RFX8: variants seen among roughly 807,000 people sequenced by gnomAD.
The protein encoded by RFX8 is regulatory factor X8.
A neutral mutation model predicts 54.6 loss-of-function variants in RFX8; 46 were observed. The ratio of observed to expected loss-of-function variants is 0.84; its 90% CI spans 0.67 to 1.08. The LOEUF is 1.08. RFX8 is among the 50% of genes least tolerant of loss of function. The probability of loss-of-function intolerance (pLI) is 0.00; values close to 1 mark genes in which losing one functional copy is unlikely to be tolerated. For synonymous variants in RFX8, 192 were observed against 209.5 expected, an observed-to-expected ratio of 0.92 and a Z score of 0.72; for missense variants, 536 against 562.3, an observed-to-expected ratio of 0.95 and a Z score of 0.47.
chr2:101,418,136 C>T (rs1360643506), intron 5 of RFX8, among the ~76,000 whole-genome samples: 3 of 152,004 alleles, frequency 2.0e-5, no homozygotes, highest in Non-Finnish European at 4.4e-5. Flanking sequence ...GTGATCCACC[C>T]GCCTCAGCCT....
At chr2:101,466,644 G>C in intron 2 of RFX8, 133 bp downstream of exon 2, 1 of 718,422 alleles carries the variant, frequency 1.4e-6, no homozygotes, top group East Asian at 2.7e-5. Flanking sequence ...ATGTTGACCA[G>C]CTGGTGGGAA....
At chr2:101,447,407 C>A (rs1688447630) in intron 2 of RFX8, among the ~76,000 whole-genome samples, 1 of 152,192 alleles carries the variant, frequency 6.6e-6, no homozygotes. Context: ...AAGTTTATTT[C>A]TCACAGTTCT....
At chr2:101,451,829 CA>C (rs1558880918) in intron 2 of RFX8, among the ~76,000 whole-genome samples, 2 of 152,116 alleles carry the variant, frequency 1.3e-5, no homozygotes, top group Admixed American at 6.5e-5. Flanking sequence ...CGTGGTGGCT[CA>C]CGCCCGTAAT....
intron 1 of RFX8, among the ~76,000 whole-genome samples, chr2:101,471,915 T>C (rs996689623): frequency 2.0e-5 from 3 of 152,206 alleles, no homozygotes; most frequent in East Asian, 1.9e-4. Flanking sequence ...AGGGCAACAG[T>C]TGGGCCCCTC....
chr2:101,429,590 C>G (rs1687374456), intron 2 of RFX8, among the ~76,000 whole-genome samples: 1 of 152,110 alleles, frequency 6.6e-6, no homozygotes, highest in South Asian at 2.1e-4. Flanking sequence ...GCTGTGAGCC[C>G]AGTTCACTTG....
intron 2 of RFX8, among the ~76,000 whole-genome samples, chr2:101,439,088 CAG>C (rs1190447551): frequency 1.3e-5 from 2 of 152,200 alleles, no homozygotes; most frequent in African/African-American, 4.8e-5. Flanking sequence ...GCTGGGATTA[CAG>C]GTGTGAGCCA....
intron 2 of RFX8, among the ~76,000 whole-genome samples, chr2:101,432,906 C>T (rs887694393): frequency 6.6e-6 from 1 of 152,136 alleles, no homozygotes; most frequent in African/African-American, 2.4e-5. Flanking sequence ...GACTCCCAGG[C>T]GAGTCCGTCC....
At chr2:101,468,527 C>A (rs1004279992) in intron 1 of RFX8, among the ~76,000 whole-genome samples, 1 of 151,804 alleles carries the variant, frequency 6.6e-6, no homozygotes, top group African/African-American at 2.4e-5. Context: ...TGGGCTCGAG[C>A]GCTCCACCCA....
chr2:101,430,793 A>G (rs2104611111), intron 2 of RFX8, among the ~76,000 whole-genome samples: 1 of 152,344 alleles, frequency 6.6e-6, no homozygotes, highest in African/African-American at 2.4e-5. Context: ...ATTTTGGGAC[A>G]TTACAGCAAC....
chr2:101,428,506 C>A (rs1687309786), intron 2 of RFX8, among the ~76,000 whole-genome samples: 1 of 152,184 alleles, frequency 6.6e-6, no homozygotes, highest in Non-Finnish European at 1.5e-5. Flanking sequence ...GCCATCCTGT[C>A]AATGGTAATT....
At chr2:101,421,224 C>A in intron 4 of RFX8, 3 of 981,564 alleles carry the variant, frequency 3.1e-6, no homozygotes, top group Non-Finnish European at 3.6e-6. Flanking sequence ...ATTTTCATCT[C>A]ACACTGCAGA....
intron 6 of RFX8, 78 bp from the exon 7 acceptor site, chr2:101,414,990 T>C (rs754426328): frequency 2.0e-5 from 23 of 1,162,820 alleles, no homozygotes; most frequent in Non-Finnish European, 2.8e-5. Flanking sequence ...AGAAGGTGCA[T>C]GTTTGGGGTA....
chr2:101,443,591 C>A (rs1453701472), intron 2 of RFX8, among the ~76,000 whole-genome samples: 1 of 152,052 alleles, frequency 6.6e-6, no homozygotes, highest in Non-Finnish European at 1.5e-5. Context: ...GATAGAAGAG[C>A]TCTGAAAGCG....
At chr2:101,400,160 G>A (rs892508241) in intron 11 of RFX8, among the ~76,000 whole-genome samples, 2 of 152,198 alleles carry the variant, frequency 1.3e-5, no homozygotes, top group Non-Finnish European at 2.9e-5. Flanking sequence ...GGCTGAAGAC[G>A]TAAAAGCTTA....
chr2:101,405,383 G>T (rs1685671530), intron 10 of RFX8, among the ~76,000 whole-genome samples: 1 of 152,102 alleles, frequency 6.6e-6, no homozygotes, highest in African/African-American at 2.4e-5. Flanking sequence ...CTGACCTCAG[G>T]TGATCCATCT....
At chr2:101,471,864 A>T (rs1409908145) in intron 1 of RFX8, among the ~76,000 whole-genome samples, 1 of 152,242 alleles carries the variant, frequency 6.6e-6, no homozygotes, top group Non-Finnish European at 1.5e-5. Flanking sequence ...ATTAGAAGAC[A>T]AAACAATGAA....
At chr2:101,459,975 A>T (rs1207517089) in intron 2 of RFX8, among the ~76,000 whole-genome samples, 109 of 151,996 alleles carry the variant, frequency 7.2e-4, no homozygotes, top group Non-Finnish European at 1.9e-4. Context: ...ACCTGGCCGC[A>T]TCCTCGCAGG....
chr2:101,453,311 A>G (rs1032749538), intron 2 of RFX8, among the ~76,000 whole-genome samples: 2 of 151,346 alleles, frequency 1.3e-5, no homozygotes, highest in Non-Finnish European at 2.9e-5. Context: ...AGAGAAAAAA[A>G]GAAAACATAT....
chr2:101,421,627 T>C, intron 4 of RFX8, 97 bp downstream of exon 4: 1 of 1,487,186 alleles, frequency 6.7e-7, no homozygotes, highest in Non-Finnish European at 8.9e-7. Flanking sequence ...GGACATCTGT[T>C]GACGGGGTCT....
Sources: allele counts gnomAD v4.1 joint callset (sites outside exome capture counted in the v4.1 genomes callset), GRCh38; gene constraint gnomAD v4.1.1; transcripts MANE v1.5; gene names NCBI Gene and HGNC (gene_info 2026-07-23, HGNC 2026-07-21).